KCNMA1: variants seen among roughly 807,000 people sequenced by gnomAD.
The protein encoded by KCNMA1 is Calcium-activated potassium channel subunit alpha-1.
KCNMA1 carries 29 observed loss-of-function variants against 140.0 expected under a neutral mutation model. That is an observed-to-expected ratio of 0.21 (90% CI 0.15 to 0.28). The LOEUF is 0.28. KCNMA1 is among the 10% of genes least tolerant of loss of function. KCNMA1 has a pLI of 1.00. For synonymous variants in KCNMA1, 612 were observed against 611.9 expected, an observed-to-expected ratio of 1.00 and a Z score of 0.00; for missense variants, 880 against 1,602.2, an observed-to-expected ratio of 0.55 and a Z score of 7.70.
At chr10:77,083,085 G>A (rs1255530692) in intron 12 of KCNMA1, among the ~76,000 whole-genome samples, 2 of 152,138 alleles carry the variant, frequency 1.3e-5, no homozygotes, top group African/African-American at 2.4e-5. Flanking sequence ...CCAAGCCACC[G>A]GTAGAGGGGG....
chr10:77,339,039 C>T (rs1370747749), intron 2 of KCNMA1, among the ~76,000 whole-genome samples: 2 of 152,138 alleles, frequency 1.3e-5, no homozygotes, highest in African/African-American at 4.8e-5. Context: ...AGTGAAAAAA[C>T]AACCTTTATG....
chr10:77,259,090 T>C (rs1377299744), intron 2 of KCNMA1, among the ~76,000 whole-genome samples: 2 of 152,152 alleles, frequency 1.3e-5, no homozygotes, highest in African/African-American at 4.8e-5. Flanking sequence ...ATTACCAAGC[T>C]AGCACTATGA....
At chr10:77,259,496 G>GA (rs911126826) in intron 2 of KCNMA1, among the ~76,000 whole-genome samples, 19 of 149,660 alleles carry the variant, frequency 1.3e-4, no homozygotes, top group Admixed American at 4.0e-4. Flanking sequence ...TTGGTATGAA[G>GA]AAAAAAAAAA....
intron 19 of KCNMA1, chr10:76,970,554 G>C: frequency 5.1e-6 from 1 of 195,542 alleles, no homozygotes; most frequent in South Asian, 9.1e-5. Context: ...CTGCATACCA[G>C]AGAAAGAGCG....
chr10:77,402,314 C>T (rs944227792), intron 2 of KCNMA1, among the ~76,000 whole-genome samples: 3 of 152,130 alleles, frequency 2.0e-5, no homozygotes, highest in African/African-American at 4.8e-5. Flanking sequence ...CCTCCAAGTC[C>T]CCACTAGACA....
rs143125075 is a variant in KCNMA1, at chr10:77,059,370, T to C, written c.1749+13727A>G. On this transcript the variant is annotated intron_variant, in intron 14 of 27. Coordinates refer to ENST00000286628, the MANE Select transcript of KCNMA1 (RefSeq NM_001161352.2). The stretch of plus-strand genomic sequence containing the variant: ...TCCAACTCATTTTATAAAGCCAACA[T>C]TACCTGACACTAAAATCAAAGACAG... Among the ~76,000 whole-genome samples the C allele has an allele frequency of 2.5e-3, 379 of 152,090 alleles. 4 individuals carry two copies. The highest frequency in any genetic ancestry group is 1.9e-3 in the Non-Finnish European group (129 of 67,900).
intron 17 of KCNMA1, chr10:77,012,379 C>T: frequency 6.6e-7 from 1 of 1,515,830 alleles, no homozygotes. Flanking sequence ...GACATGTGGG[C>T]AATGAGCCCT....
At chr10:77,448,106 C>A (rs948953278) in intron 1 of KCNMA1, among the ~76,000 whole-genome samples, 1 of 152,074 alleles carries the variant, frequency 6.6e-6, no homozygotes, top group Non-Finnish European at 1.5e-5. Context: ...AAATAGATAT[C>A]CAGAGTGTGC....
At chr10:77,031,208 G>T (rs773291356) in intron 15 of KCNMA1, among the ~76,000 whole-genome samples, 1 of 152,212 alleles carries the variant, frequency 6.6e-6, no homozygotes, top group Non-Finnish European at 1.5e-5. Context: ...CATTCTGTTT[G>T]GTAAGTACAG....
chr10:77,535,593 G>A (rs1028116832), intron 1 of KCNMA1, among the ~76,000 whole-genome samples: 3 of 152,170 alleles, frequency 2.0e-5, no homozygotes, highest in African/African-American at 7.2e-5. Context: ...CTTCACTCCT[G>A]TATTTATTGC....
chr10:77,413,283 T>C (rs1457236188), intron 1 of KCNMA1, among the ~76,000 whole-genome samples: 3 of 152,080 alleles, frequency 2.0e-5, no homozygotes, highest in Non-Finnish European at 4.4e-5. Context: ...GGGCTGCTGG[T>C]CCCTCCCCGC....
downstream of KCNMA1, chr10:76,884,351 T>C (rs964773945): frequency 2.0e-5 from 3 of 152,020 alleles, no homozygotes; most frequent in East Asian, 1.9e-4. Context: ...ACCCTCCTGG[T>C]TTAAAGGAGG....
At chr10:77,473,006 A>G (rs2098198751) in intron 1 of KCNMA1, among the ~76,000 whole-genome samples, 2 of 152,194 alleles carry the variant, frequency 1.3e-5, no homozygotes, top group Non-Finnish European at 2.9e-5. Context: ...GGGGCCACCC[A>G]CCAGGGTGCT....
chr10:77,523,208 C>CCCCA (rs1555416245), intron 1 of KCNMA1, among the ~76,000 whole-genome samples: 2 of 149,726 alleles, frequency 1.3e-5, no homozygotes, highest in African/African-American at 5.0e-5. Context: ...GACGTGCCCC[C>CCCCA]CCCCCTTGCA....
At chr10:77,416,473 C>G (rs1338688991) in intron 1 of KCNMA1, among the ~76,000 whole-genome samples, 1 of 152,182 alleles carries the variant, frequency 6.6e-6, no homozygotes, top group Non-Finnish European at 1.5e-5. Flanking sequence ...CCCAAGCCAC[C>G]ACCCAAGGGG....
intron 2 of KCNMA1, among the ~76,000 whole-genome samples, chr10:77,366,283 C>T (rs764046431): frequency 6.6e-6 from 1 of 152,138 alleles, no homozygotes; most frequent in Non-Finnish European, 1.5e-5. Context: ...ATTCTCCTGT[C>T]TCAGCCCCTG....
At chr10:77,195,106 G>T (rs1045002672) in intron 3 of KCNMA1, among the ~76,000 whole-genome samples, 1 of 152,034 alleles carries the variant, frequency 6.6e-6, no homozygotes, top group African/African-American at 2.4e-5. Context: ...AGAAAGACCT[G>T]GTAGAAGTCT....
chr10:76,953,282 A>G (rs972501675), intron 21 of KCNMA1, among the ~76,000 whole-genome samples: 1 of 152,246 alleles, frequency 6.6e-6, no homozygotes, highest in Non-Finnish European at 1.5e-5. Flanking sequence ...CTATAAACCA[A>G]TAACAATACA....
chr10:77,456,151 AG>A (rs776419588), intron 1 of KCNMA1, among the ~76,000 whole-genome samples: 3 of 152,222 alleles, frequency 2.0e-5, no homozygotes, highest in Non-Finnish European at 4.4e-5. Context: ...GAGGCACGAC[AG>A]GGGAAGTCAA....
Sources: allele counts gnomAD v4.1 joint callset (sites outside exome capture counted in the v4.1 genomes callset), GRCh38; gene constraint gnomAD v4.1.1; transcripts MANE v1.5; gene names NCBI Gene and HGNC (gene_info 2026-07-23, HGNC 2026-07-21).